ZNF804B: variants seen among roughly 807,000 people sequenced by gnomAD.
The protein encoded by ZNF804B is zinc finger protein 804B, also known as zinc finger 804B.
Under a neutral mutation model 101.4 loss-of-function variants are expected in ZNF804B, and 80 were observed. The observed-to-expected ratio is 0.79, with a 90% CI of 0.66 to 0.95. ZNF804B has a LOEUF of 0.95. ZNF804B is among the 40% of genes least tolerant of loss of function. The pLI is 0.00. For missense variants in ZNF804B, 1,673 were observed against 1,561.9 expected (o/e 1.07, Z -1.20); for synonymous variants, 622 against 558.8 (o/e 1.11, Z -1.59).
At chr7:89,164,941 T>G (rs1791118938) in intron 1 of ZNF804B, among the ~76,000 whole-genome samples, 1 of 152,150 alleles carries the variant, frequency 6.6e-6, no homozygotes, top group Admixed American at 6.6e-5. Context: ...TTGTGTTATT[T>G]AATCCTCAGA....
At chr7:88,858,244 G>A (rs1791600003) in intron 1 of ZNF804B, among the ~76,000 whole-genome samples, 1 of 152,112 alleles carries the variant, frequency 6.6e-6, no homozygotes, top group African/African-American at 2.4e-5. Context: ...TTCTTGCTGG[G>A]TATTACTTTC....
chr7:88,764,077 T>C (rs1440339421), intron 1 of ZNF804B, among the ~76,000 whole-genome samples: 3 of 152,182 alleles, frequency 2.0e-5, no homozygotes, highest in South Asian at 4.1e-4. Flanking sequence ...ATAAAACAAA[T>C]AGCTTCTATG....
chr7:88,849,474 A>G (rs1791419904), intron 1 of ZNF804B, among the ~76,000 whole-genome samples: 1 of 151,746 alleles, frequency 6.6e-6, no homozygotes, highest in Non-Finnish European at 1.5e-5. Flanking sequence ...TAGTAAATGT[A>G]TAAGCTACTG....
At chr7:89,050,172 A>C (rs77100147) in intron 1 of ZNF804B, among the ~76,000 whole-genome samples, 3,916 of 152,306 alleles carry the variant, frequency 0.026, 78 homozygotes, top group Non-Finnish European at 0.04. Context: ...GTTTTAAAAA[A>C]ATTTTAAAGG....
chr7:89,152,693 A>G (rs886446393), intron 1 of ZNF804B, among the ~76,000 whole-genome samples: 2 of 152,184 alleles, frequency 1.3e-5, no homozygotes, highest in Admixed American at 1.3e-4. Flanking sequence ...AAAATAAAAT[A>G]TATAGTTACC....
chr7:88,984,897 A>G lies in ZNF804B; in HGVS notation c.108+224813A>G, dbSNP rs565437918. On this transcript the variant is annotated intron_variant, in intron 1 of 3. Transcript: ENST00000333190. The stretch of plus-strand genomic sequence containing the variant: ...TTTTTTTTAATCTCCAGAGACATGT[A>G]GGCATGCAATAAATGGTCTGCCTTG... Among the ~76,000 whole-genome samples the G allele has an allele frequency of 2.0e-5, 3 of 152,162 alleles. No homozygotes were observed. In the South Asian group the frequency reaches 6.2e-4, roughly 32 times the overall value.
intron 1 of ZNF804B, among the ~76,000 whole-genome samples, chr7:89,092,408 G>GGT (rs1789906146): frequency 1.1e-5 from 1 of 93,840 alleles, no homozygotes; most frequent in South Asian, 4.0e-4. Flanking sequence ...TTTCTTTTCT[G>GGT]TTTTTTTTTT....
At chr7:88,775,984 T>G (rs1412554357) in intron 1 of ZNF804B, among the ~76,000 whole-genome samples, 7 of 152,082 alleles carry the variant, frequency 4.6e-5, no homozygotes, top group Non-Finnish European at 1.0e-4. Flanking sequence ...TACAGAGAGG[T>G]GCTTACAGGT....
intron 1 of ZNF804B, among the ~76,000 whole-genome samples, chr7:89,067,572 T>C (rs549185729): frequency 2.6e-5 from 4 of 152,282 alleles, no homozygotes; most frequent in Admixed American, 1.3e-4. Context: ...CTCAGTGTTA[T>C]TGGCCAAAGT....
At chr7:89,099,492 A>G (rs1790022324) in intron 1 of ZNF804B, among the ~76,000 whole-genome samples, 1 of 152,172 alleles carries the variant, frequency 6.6e-6, no homozygotes, top group South Asian at 2.1e-4. Flanking sequence ...GAAAAGGTCC[A>G]GTTCAGTGAA....
At chr7:89,251,528 A>G (rs1189545865) in intron 2 of ZNF804B, among the ~76,000 whole-genome samples, 1 of 152,200 alleles carries the variant, frequency 6.6e-6, no homozygotes, top group Non-Finnish European at 1.5e-5. Context: ...TGCCCAAAGC[A>G]ATGTACAGAT....
intron 1 of ZNF804B, among the ~76,000 whole-genome samples, chr7:89,086,316 C>CA (rs1296024066): frequency 2.0e-5 from 3 of 151,904 alleles, no homozygotes; most frequent in Admixed American, 6.6e-5. Context: ...GTTAAGTCAT[C>CA]ATTTATTCTA....
intron 1 of ZNF804B, among the ~76,000 whole-genome samples, chr7:88,849,131 A>G (rs1422200264): frequency 2.0e-5 from 3 of 151,888 alleles, no homozygotes; most frequent in Non-Finnish European, 4.4e-5. Flanking sequence ...TTTCCTTTCA[A>G]TTTTCTTGGG....
At position 88,929,712 on chromosome 7, in the gene ZNF804B, CAAAAATCTCTG is replaced by C. The variant is rs372416738; in HGVS notation, c.108+169635_108+169645del. Among the ~76,000 whole-genome samples, 476 of 151,904 alleles carry C rather than the reference CAAAAATCTCTG, an allele frequency of 3.1e-3. 4 individuals are homozygous for C. The highest frequency in any genetic ancestry group is 0.011 in the African/African-American group (453 of 41,490). ...ACTGTTAGTCTTTGAACAACAACAACAAAAATCTCTGAAAAATAATCTGAGAAATCCTATTG... is the reference window on the plus strand; with the variant it reads ...ACTGTTAGTCTTTGAACAACAACAACAAAAATAATCTGAGAAATCCTATTG... On this transcript the variant is annotated intron_variant, in intron 1 of 3. Transcript: ENST00000333190.
chr7:89,177,948 A>G (rs553783460), intron 1 of ZNF804B, among the ~76,000 whole-genome samples: 37 of 150,880 alleles, frequency 2.5e-4, no homozygotes, highest in African/African-American at 8.7e-4. Context: ...AAAAAAAAAG[A>G]ACAAAAAACA....
chr7:89,200,853 C>T (rs768189072), intron 1 of ZNF804B, among the ~76,000 whole-genome samples: 60 of 152,122 alleles, frequency 3.9e-4, no homozygotes, highest in Admixed American at 2.0e-3. Context: ...CTTTTGCCCA[C>T]CTGAGGCATC....
intron 1 of ZNF804B, among the ~76,000 whole-genome samples, chr7:89,011,412 A>C (rs1413552030): frequency 6.6e-6 from 1 of 152,096 alleles, no homozygotes; most frequent in Non-Finnish European, 1.5e-5. Flanking sequence ...CAGTACCCGA[A>C]AGTCTTAACT....
intron 2 of ZNF804B, among the ~76,000 whole-genome samples, chr7:89,228,848 C>A (rs1257263309): frequency 6.6e-6 from 1 of 152,152 alleles, no homozygotes; most frequent in African/African-American, 2.4e-5. Context: ...TCCGGCGGCA[C>A]AGGGGCGCAC....
chr7:89,264,688 A>G (rs1404726616), intron 2 of ZNF804B, among the ~76,000 whole-genome samples: 1 of 152,142 alleles, frequency 6.6e-6, no homozygotes, highest in Admixed American at 6.6e-5. Flanking sequence ...TGTGATCTCA[A>G]GGTGACCACA....
Sources: gnomAD v4.1 joint callset for allele counts (sites outside exome capture counted in the v4.1 genomes callset) on GRCh38, gnomAD v4.1.1 for gene constraint, MANE v1.5 for transcripts, NCBI Gene and HGNC (gene_info 2026-07-23, HGNC 2026-07-21) for gene names.